Variants in CPNE4 observed in about 807,000 individuals in gnomAD.
CPNE4 encodes copine 4.
In CPNE4, 25 loss-of-function variants were observed where a neutral mutation model predicts 67.9. The ratio of observed to expected loss-of-function variants is 0.37; its 90% CI spans 0.27 to 0.51. The LOEUF (loss-of-function observed/expected upper bound fraction) is 0.51. Ranked by LOEUF, CPNE4 falls within the 20% of genes least tolerant of loss-of-function variation. The pLI is 0.93. For missense variants in CPNE4, 464 were observed against 690.8 expected, an observed-to-expected ratio of 0.67 and a Z score of 3.68; for synonymous variants, 242 against 244.9, an observed-to-expected ratio of 0.99 and a Z score of 0.11.
intron 2 of CPNE4, among the ~76,000 whole-genome samples, chr3:131,888,128 A>G (rs1244755843): frequency 6.6e-6 from 1 of 152,242 alleles, no homozygotes; most frequent in African/African-American, 2.4e-5. Context: ...CCTGAAGCAC[A>G]GAATCCATGA....
At chr3:131,958,407 C>T (rs2072042111) in intron 1 of CPNE4, among the ~76,000 whole-genome samples, 1 of 130,356 alleles carries the variant, frequency 7.7e-6, no homozygotes, top group South Asian at 2.6e-4. Context: ...GTGCCCATCC[C>T]AGACCTGCTG....
chr3:131,867,226 C>T (rs990680134), intron 2 of CPNE4, among the ~76,000 whole-genome samples: 2 of 152,052 alleles, frequency 1.3e-5, no homozygotes, highest in Non-Finnish European at 2.9e-5. Context: ...CTGTGACACA[C>T]AGGAGGAACT....
chr3:131,718,842 C>T (rs1001570840), intron 3 of CPNE4, among the ~76,000 whole-genome samples: 1 of 152,136 alleles, frequency 6.6e-6, no homozygotes, highest in African/African-American at 2.4e-5. Flanking sequence ...GCTTGCTAAA[C>T]GTTTGTTATG....
chr3:131,792,702 C>T (rs13094483), intron 2 of CPNE4, among the ~76,000 whole-genome samples: 13,511 of 31,816 alleles, frequency 0.42, 2,892 homozygotes, highest in East Asian at 0.59. Flanking sequence ...TATACATATA[C>T]ACACACGTGT....
At chr3:131,597,779 A>T (rs1052298238) in intron 7 of CPNE4, among the ~76,000 whole-genome samples, 2 of 152,086 alleles carry the variant, frequency 1.3e-5, no homozygotes, top group African/African-American at 4.8e-5. Context: ...ATCCATTTAT[A>T]TTTGCTTTAA....
rs1474381183 is a variant in CPNE4 at position 131,587,548 on chromosome 3, T to A, written c.716A>T (p.His239Leu). 1.2e-6 allele frequency: 2 copies of A among 1,613,522 alleles called. No individual in the cohort carries two copies. Among genetic ancestry groups the A allele is most frequent in the Non-Finnish European group, 1.7e-6 (2 of 1,179,594 alleles). ...IVWDWDSNGK[H>L]DFIGEFTSTF... ...CGAGGTGAATTCTCCAATGAAGTCA[T>A]GCTTGCCATTGGAGTCCCAGTCCCA... The change falls in exon 8 of 16, where the codon CAT (histidine) becomes CTT (leucine). Residue 239 changes from histidine to leucine, a missense_variant. Around this residue, in one of 6 missense-constraint regions of CPNE4, gnomAD observed 6 missense variants for 24.4 expected, o/e 0.25. Coordinates refer to ENST00000429747, the MANE Select transcript of CPNE4 (RefSeq NM_130808.3).
intron 1 of CPNE4, among the ~76,000 whole-genome samples, chr3:131,929,810 T>G (rs1363738199): frequency 2.6e-5 from 4 of 152,188 alleles, no homozygotes; most frequent in East Asian, 1.9e-4. Context: ...CTCCTGGAGA[T>G]GCAAAGCCTT....
intron 2 of CPNE4, among the ~76,000 whole-genome samples, chr3:131,855,229 G>A (rs2086393775): frequency 6.6e-6 from 1 of 151,896 alleles, no homozygotes; most frequent in Non-Finnish European, 1.5e-5. Context: ...ATTGCTCTGT[G>A]ATTGGACAAA....
intron 1 of CPNE4, among the ~76,000 whole-genome samples, chr3:131,905,925 C>A (rs1391650820): frequency 2.0e-5 from 3 of 152,166 alleles, no homozygotes; most frequent in Non-Finnish European, 4.4e-5. Context: ...ATATTTCCCA[C>A]CCCTAAAACT....
intron 11 of CPNE4, among the ~76,000 whole-genome samples, chr3:131,559,902 C>T (rs1196386334): frequency 1.3e-5 from 2 of 151,990 alleles, no homozygotes; most frequent in African/African-American, 2.4e-5. Context: ...ACTTACAACA[C>T]ATTAGAATTT....
chr3:131,909,841 A>T (rs1247056026), intron 1 of CPNE4, among the ~76,000 whole-genome samples: 4 of 152,266 alleles, frequency 2.6e-5, no homozygotes, highest in Admixed American at 6.5e-5. Flanking sequence ...TTAGTTAATG[A>T]TAGTAAATTT....
At chr3:131,692,556 G>A (rs1181439007) in intron 5 of CPNE4, among the ~76,000 whole-genome samples, 4 of 152,152 alleles carry the variant, frequency 2.6e-5, no homozygotes, top group Admixed American at 6.6e-5. Context: ...TGTGAATAAA[G>A]TTTTATTGGA....
At chr3:131,717,184 T>C (rs1014344428) in intron 3 of CPNE4, among the ~76,000 whole-genome samples, 11 of 151,680 alleles carry the variant, frequency 7.3e-5, no homozygotes, top group Non-Finnish European at 1.0e-4. Context: ...ACAAAGCTTT[T>C]AGTACAAATG....
chr3:131,605,746 C>G (rs1939462242), intron 7 of CPNE4, among the ~76,000 whole-genome samples: 1 of 152,038 alleles, frequency 6.6e-6, no homozygotes, highest in Non-Finnish European at 1.5e-5. Context: ...CTATAAGTCT[C>G]AATATCTATG....
intron 1 of CPNE4, among the ~76,000 whole-genome samples, chr3:131,976,081 GT>G (rs59067649): frequency 0.054 from 7,433 of 136,626 alleles, 233 homozygotes; most frequent in East Asian, 0.15. Flanking sequence ...AATATTGTTG[GT>G]TTTTTTTTTT....
upstream of CPNE4, chr3:132,037,970 G>A (rs1000648977): frequency 2.3e-5 from 4 of 172,486 alleles, no homozygotes; most frequent in African/African-American, 7.2e-5. Context: ...ATTTAGTTTT[G>A]AAATGGAATT....
chr3:131,581,589 T>C lies in CPNE4; in HGVS notation c.857A>G (p.Asn286Ser). Reference protein sequence around the residue: ...NYKNSGTVILNLCKIHKMHSF... With the variant: ...NYKNSGTVILSLCKIHKMHSF... ...GGGTTGTGTACATACCTTGCACAGA[T>C]TCAGAATCACAGTGCCTGAGTTCTT... Residue 286 changes from asparagine to serine, a missense_variant, in exon 9 of 16, where the codon AAT (asparagine) becomes AGT (serine). Transcript: ENST00000429747. The C allele has an allele frequency of 2.5e-6, 4 of 1,611,560 alleles. No homozygotes were observed. Among genetic ancestry groups the C allele is most frequent in the Non-Finnish European group, 3.4e-6 (4 of 1,177,704 alleles).
At chr3:131,930,735 T>A (rs1320249855) in intron 1 of CPNE4, among the ~76,000 whole-genome samples, 1 of 152,098 alleles carries the variant, frequency 6.6e-6, no homozygotes, top group Non-Finnish European at 1.5e-5. Context: ...TTATATGTGG[T>A]TCTCTTTGGG....
At position 131,931,036 on chromosome 3, in the gene CPNE4, C is replaced by T. The variant is rs1053483360; in HGVS notation, c.-1-25592G>A. Among the ~76,000 whole-genome samples, 13 of 152,014 alleles carry T rather than the reference C, an allele frequency of 8.6e-5. 1 individual carries two copies. The highest frequency in any genetic ancestry group is 5.9e-4 in the Admixed American group (9 of 15,266). The stretch of plus-strand genomic sequence containing the variant: ...AAATATTTCTAATTAATGCATAGGT[C>T]AATACTTCATACAGGAAATATCACT... On this transcript the variant is annotated intron_variant, in intron 1 of 15. Transcript: ENST00000429747.
Sources: allele counts gnomAD v4.1 joint callset (sites outside exome capture counted in the v4.1 genomes callset), GRCh38; gene constraint gnomAD v4.1.1; regional missense constraint gnomAD v4.1.1; transcripts MANE v1.5; gene names NCBI Gene and HGNC (gene_info 2026-07-23, HGNC 2026-07-21).